TOX: variants seen among roughly 807,000 people sequenced by gnomAD.
The protein encoded by TOX is thymocyte selection associated high mobility group box.
A neutral mutation model predicts 53.7 loss-of-function variants in TOX; 11 were observed. The observed-to-expected ratio is 0.20, with a 90% confidence interval of 0.13 to 0.34. The LOEUF (loss-of-function observed/expected upper bound fraction) is 0.34, where lower values mean the gene tolerates loss of function less well. Among genes scored for constraint, TOX ranks in the 10% least tolerant of loss-of-function variants. The probability of loss-of-function intolerance (pLI) is 1.00; values close to 1 mark genes in which losing one functional copy is unlikely to be tolerated. For synonymous variants in TOX, 225 were observed against 245.3 expected, an observed-to-expected ratio of 0.92 and a Z score of 0.77; for missense variants, 570 against 664.6, an observed-to-expected ratio of 0.86 and a Z score of 1.56.
chr8:59,007,498 T>C (rs923016555), intron 1 of TOX, among the ~76,000 whole-genome samples: 4 of 152,068 alleles, frequency 2.6e-5, no homozygotes, highest in Admixed American at 6.6e-5. Flanking sequence ...AAAAAAAATA[T>C]GAAGGGATCC....
At chr8:58,814,476 T>C (rs965391584) in intron 7 of TOX, 1 of 152,210 alleles carries the variant, frequency 6.6e-6, no homozygotes, top group Non-Finnish European at 1.5e-5. Context: ...GGCAGGGTAG[T>C]GGGAGAAGCT....
At chr8:58,819,322 A>C (rs1252719502) in intron 6 of TOX, among the ~76,000 whole-genome samples, 1 of 152,242 alleles carries the variant, frequency 6.6e-6, no homozygotes, top group African/African-American at 2.4e-5. Context: ...ACTTTTATTT[A>C]GCAATGAGTG....
intron 2 of TOX, among the ~76,000 whole-genome samples, chr8:58,956,225 A>G (rs1812705425): frequency 6.6e-6 from 1 of 152,210 alleles, no homozygotes; most frequent in Admixed American, 6.5e-5. Context: ...AGCCTCATAT[A>G]AAGGACTATG....
chr8:59,110,701 C>T (rs889024267), intron 1 of TOX, among the ~76,000 whole-genome samples: 6 of 151,800 alleles, frequency 4.0e-5, no homozygotes, highest in Non-Finnish European at 8.8e-5. Context: ...CTTAGGTGCA[C>T]TGACTCTTAA....
Position 58,911,994 on chromosome 8 carries a change from G to T in TOX, c.411+27308C>A, listed in dbSNP as rs573378933. ...TGGGATTACAGGCGTGAGCCACCGT[G>T]CCCGGCCCAAATACTTTTCAATGCA... On this transcript the variant is annotated intron_variant, in intron 3 of 8. Transcript: ENST00000361421. Among the ~76,000 whole-genome samples the T allele has an allele frequency of 6.3e-3, 964 of 152,334 alleles. 12 individuals carry two copies. Among genetic ancestry groups the T allele is most frequent in the African/African-American group, 0.022 (924 of 41,570 alleles).
chr8:58,842,229 G>T (rs898416544), intron 4 of TOX, among the ~76,000 whole-genome samples: 2 of 152,180 alleles, frequency 1.3e-5, no homozygotes, highest in Non-Finnish European at 2.9e-5. Flanking sequence ...TCAGCAGACT[G>T]GGGTGAGTCA....
rs559480632 is a variant in TOX at position 58,866,472 on chromosome 8, T to C, written c.412-14667A>G. 1.1e-4 allele frequency among the ~76,000 whole-genome samples: 16 copies of C among 152,350 alleles called. No homozygotes were observed. In the East Asian group the frequency reaches 2.9e-3, roughly 28 times the overall value. The stretch of plus-strand genomic sequence containing the variant: ...ACCTTAATTGCAACAAAGTAACTGA[T>C]AGAAACAGCTGCTATGTAAGTACTT... On this transcript the variant is annotated intron_variant, in intron 3 of 8. Transcript: ENST00000361421.
intron 7 of TOX, among the ~76,000 whole-genome samples, chr8:58,814,005 C>T (rs1412916988): frequency 6.6e-6 from 1 of 152,170 alleles, no homozygotes; most frequent in Non-Finnish European, 1.5e-5. Flanking sequence ...CATGACTTAA[C>T]TCTGCCAAGC....
At chr8:59,058,225 A>G (rs1803916963) in intron 1 of TOX, among the ~76,000 whole-genome samples, 1 of 152,176 alleles carries the variant, frequency 6.6e-6, no homozygotes, top group Non-Finnish European at 1.5e-5. Flanking sequence ...TAGCATTTGG[A>G]AGGTGGAGCA....
At chr8:58,880,545 G>T (rs1811366571) in intron 3 of TOX, among the ~76,000 whole-genome samples, 4 of 152,162 alleles carry the variant, frequency 2.6e-5, no homozygotes, top group Admixed American at 2.6e-4. Flanking sequence ...CCTCTTAGGG[G>T]ATACTGGATA....
intron 3 of TOX, among the ~76,000 whole-genome samples, chr8:58,891,779 C>T (rs1811564659): frequency 6.6e-6 from 1 of 152,198 alleles, no homozygotes. Context: ...TAGGAAGCAA[C>T]TCTGCTTTCT....
intron 3 of TOX, among the ~76,000 whole-genome samples, chr8:58,856,949 A>G (rs1810928060): frequency 6.6e-6 from 1 of 152,142 alleles, no homozygotes; most frequent in African/African-American, 2.4e-5. Context: ...TTGCAGAATT[A>G]CTGACATTTG....
intron 3 of TOX, among the ~76,000 whole-genome samples, chr8:58,871,398 T>C (rs1811194880): frequency 6.6e-6 from 1 of 152,052 alleles, no homozygotes; most frequent in Non-Finnish European, 1.5e-5. Flanking sequence ...CCATAATATA[T>C]ACAAATTTAA....
rs1809992643 is a variant in TOX at position 58,807,162 on chromosome 8, T to C, written c.*585A>G. The C allele has an allele frequency of 6.6e-6, 1 of 152,628 alleles. No homozygotes were observed. The highest frequency in any genetic ancestry group is 1.5e-5 in the Non-Finnish European group (1 of 68,036). 9.5% of individuals were successfully genotyped at this position (152,628 alleles called of 1,614,324 possible). ...GAATACTTTTTATTTTCAAATATTTTGAAAATATAGAACTATCAGTCAGTT... is the reference window on the plus strand; with the variant it reads ...GAATACTTTTTATTTTCAAATATTTCGAAAATATAGAACTATCAGTCAGTT... On this transcript the variant is annotated 3_prime_UTR_variant, in exon 9 of 9. Transcript: ENST00000361421.
intron 1 of TOX, among the ~76,000 whole-genome samples, chr8:59,011,920 G>C (rs553522520): frequency 6.6e-6 from 1 of 152,258 alleles, no homozygotes; most frequent in Admixed American, 6.5e-5. Flanking sequence ...ATGCTACAGA[G>C]AGGAATTCAT....
intron 3 of TOX, among the ~76,000 whole-genome samples, chr8:58,883,020 A>G (rs1198737712): frequency 6.6e-6 from 1 of 152,124 alleles, no homozygotes; most frequent in Non-Finnish European, 1.5e-5. Context: ...TGACACACAC[A>G]CGTACACGAC....
At chr8:58,923,302 C>T (rs1045454575) in intron 3 of TOX, among the ~76,000 whole-genome samples, 6 of 151,968 alleles carry the variant, frequency 3.9e-5, no homozygotes, top group Non-Finnish European at 5.9e-5. Context: ...AAGAAGGAAG[C>T]GATGAGGGCA....
chr8:59,014,283 G>A lies in TOX; in HGVS notation c.103-54275C>T, dbSNP rs530137841. Among the ~76,000 whole-genome samples, 8 of 152,366 alleles carry A rather than the reference G, an allele frequency of 5.3e-5. No homozygotes were observed. In the South Asian group the frequency reaches 1.7e-3, roughly 32 times the overall value. On this transcript the variant is annotated intron_variant, in intron 1 of 8. Coordinates refer to ENST00000361421, the MANE Select transcript of TOX (RefSeq NM_014729.3). ...AGCACTGATAACAGCAGCTAAAGCT[G>A]TGCTTCACAAAAGTTCCTTTAAATC...
chr8:58,998,508 T>TAC, intron 1 of TOX, among the ~76,000 whole-genome samples: 1 of 91,462 alleles, frequency 1.1e-5, no homozygotes, highest in South Asian at 4.0e-4. Context: ...TATATATATA[T>TAC]ATATATATAT....
Sources: gnomAD v4.1 joint callset for allele counts (sites outside exome capture counted in the v4.1 genomes callset) on GRCh38, gnomAD v4.1.1 for gene constraint, MANE v1.5 for transcripts, NCBI Gene and HGNC (gene_info 2026-07-23, HGNC 2026-07-21) for gene names.